XKR6: variants seen among roughly 807,000 people sequenced by gnomAD.
XKR6 encodes the protein XK-related protein 6.
In XKR6, 22 loss-of-function variants were observed where a neutral mutation model predicts 56.7. The ratio of observed to expected loss-of-function variants is 0.39; its 90% CI spans 0.28 to 0.55. XKR6 has a LOEUF of 0.55. Among genes scored for constraint, XKR6 ranks in the 20% least tolerant of loss-of-function variants. The pLI is 0.66. For synonymous variants in XKR6, 524 were observed against 387.8 expected, an observed-to-expected ratio of 1.35 and a Z score of -4.13; for missense variants, 852 against 889.0, an observed-to-expected ratio of 0.96 and a Z score of 0.53.
At chr8:10,947,774 G>C (rs1212549063) in intron 1 of XKR6, among the ~76,000 whole-genome samples, 3 of 152,314 alleles carry the variant, frequency 2.0e-5, no homozygotes, top group African/African-American at 7.2e-5. Context: ...ACCGCCAGGG[G>C]AACTGTGGAT....
intron 1 of XKR6, among the ~76,000 whole-genome samples, chr8:10,938,374 G>A (rs957905935): frequency 4.6e-5 from 7 of 152,290 alleles, no homozygotes; most frequent in South Asian, 2.1e-4. Context: ...CATCGCTCAC[G>A]CTGGGAGCTG....
At chr8:11,021,163 T>C (rs1227700768) in intron 1 of XKR6, among the ~76,000 whole-genome samples, 2 of 152,192 alleles carry the variant, frequency 1.3e-5, no homozygotes, top group Non-Finnish European at 1.5e-5. Context: ...TCTCAGAGTC[T>C]CAGACCAGAA....
At chr8:11,024,598 G>A (rs1186480513) in intron 1 of XKR6, among the ~76,000 whole-genome samples, 1 of 152,158 alleles carries the variant, frequency 6.6e-6, no homozygotes, top group African/African-American at 2.4e-5. Context: ...GACTTCATCT[G>A]TCCCATGCTG....
At chr8:11,157,157 C>G (rs1801560724) in intron 1 of XKR6, among the ~76,000 whole-genome samples, 1 of 152,158 alleles carries the variant, frequency 6.6e-6, no homozygotes. Flanking sequence ...AGCAAGCCTC[C>G]AAACTGTCAG....
intron 1 of XKR6, among the ~76,000 whole-genome samples, chr8:10,946,206 A>G (rs1563304175): frequency 6.6e-6 from 1 of 152,018 alleles, no homozygotes; most frequent in Non-Finnish European, 1.5e-5. Context: ...CAGGTTGCCC[A>G]TGGGGAATGG....
Position 10,897,836 on chromosome 8 carries a change from TTGG to T in XKR6, c.*113_*115del. 1 of 1,298,928 alleles carries T rather than the reference TTGG, an allele frequency of 7.7e-7. No homozygotes were observed. The highest frequency in any genetic ancestry group is 1.0e-6 in the Non-Finnish European group (1 of 971,142). 80.5% of individuals were successfully genotyped at this position (1,298,928 alleles called of 1,614,324 possible). A position where few individuals can be genotyped will look rare whatever the true frequency, so the allele number is the denominator to read the frequency against. ...TAGTGGTGGTGTTGGTGTGGCGGTGTTGGTGGTGGTGGCGGTGGTTCTGTGTAT... is the reference window on the plus strand; with the variant it reads ...TAGTGGTGGTGTTGGTGTGGCGGTGTTGGTGGTGGCGGTGGTTCTGTGTAT... On this transcript the variant is annotated 3_prime_UTR_variant, in exon 3 of 3. Coordinates refer to ENST00000416569, the MANE Select transcript of XKR6 (RefSeq NM_173683.4).
At chr8:11,061,643 C>G (rs1799837887) in intron 1 of XKR6, among the ~76,000 whole-genome samples, 1 of 152,150 alleles carries the variant, frequency 6.6e-6, no homozygotes, top group African/African-American at 2.4e-5. Context: ...GAAAGACCAC[C>G]CTGGCCTGGT....
intron 1 of XKR6, among the ~76,000 whole-genome samples, chr8:11,154,980 G>T (rs538798288): frequency 6.6e-6 from 1 of 152,284 alleles, no homozygotes; most frequent in African/African-American, 2.4e-5. Context: ...GACAAATCAA[G>T]AAATATAAAA....
In XKR6 at chr8:10,948,967, C is replaced by T. The variant is rs536551630; in HGVS notation, c.765-24137G>A. ...CGTCAATTCCCAGCCCTGCCCTGGGCGGTGCAGCCTCTCGGGAGGCTCCTC... is the reference window on the plus strand; with the variant it reads ...CGTCAATTCCCAGCCCTGCCCTGGGTGGTGCAGCCTCTCGGGAGGCTCCTC... On this transcript the variant is annotated intron_variant, in intron 1 of 2. Transcript: ENST00000416569. Among the ~76,000 whole-genome samples, 6 of 152,350 alleles carry T rather than the reference C, an allele frequency of 3.9e-5. No individual in the cohort carries two copies. The South Asian group carries it at 6.2e-4, about 16-fold the overall frequency.
rs866830426 is a variant in XKR6, at chr8:11,193,751, C to A, written c.764+6825G>T. Among the ~76,000 whole-genome samples the A allele has an allele frequency of 2.0e-3, 225 of 111,224 alleles. 3 individuals are homozygous for A. Among genetic ancestry groups the A allele is most frequent in the African/African-American group, 4.7e-3 (144 of 30,490 alleles). 73.0% of individuals were successfully genotyped at this position (111,224 alleles called of 152,430 possible). On this transcript the variant is annotated intron_variant, in intron 1 of 2. Transcript: ENST00000416569. ...TTTAAGGTTCTGACCCCCCCCCCCCCACAAAAGAAATTAACCTTGGTAAAC... is the reference window on the plus strand; with the variant it reads ...TTTAAGGTTCTGACCCCCCCCCCCCAACAAAAGAAATTAACCTTGGTAAAC...
At chr8:11,148,650 A>G (rs1443940606) in intron 1 of XKR6, among the ~76,000 whole-genome samples, 1 of 152,238 alleles carries the variant, frequency 6.6e-6, no homozygotes, top group Non-Finnish European at 1.5e-5. Context: ...TATACCTATC[A>G]TATGATCCAG....
chr8:11,025,394 C>A (rs1798837978), intron 1 of XKR6, among the ~76,000 whole-genome samples: 1 of 152,108 alleles, frequency 6.6e-6, no homozygotes, highest in East Asian at 1.9e-4. Flanking sequence ...GGAGTCTATT[C>A]AAAAAATACC....
chr8:11,173,132 G>A (rs879650752), intron 1 of XKR6, among the ~76,000 whole-genome samples: 9 of 150,526 alleles, frequency 6.0e-5, no homozygotes, highest in Admixed American at 4.0e-4. Context: ...TCAGGAGATC[G>A]AGACCATCCT....
intron 1 of XKR6, among the ~76,000 whole-genome samples, chr8:10,944,025 G>A (rs1801462469): frequency 6.6e-6 from 1 of 151,942 alleles, no homozygotes; most frequent in African/African-American, 2.4e-5. Flanking sequence ...CCTTACCCCC[G>A]ACCCTGCACC....
At chr8:11,131,386 A>G (rs1800095731) in intron 1 of XKR6, among the ~76,000 whole-genome samples, 1 of 152,184 alleles carries the variant, frequency 6.6e-6, no homozygotes, top group South Asian at 2.1e-4. Flanking sequence ...AAGAGTAATT[A>G]ACATAGAAGG....
intron 1 of XKR6, among the ~76,000 whole-genome samples, chr8:11,087,075 C>G (rs553504669): frequency 1.3e-5 from 2 of 152,318 alleles, no homozygotes; most frequent in East Asian, 3.9e-4. Flanking sequence ...ACTCTCTCCC[C>G]AGTCCTGCCC....
At chr8:11,185,010 G>A (rs1448501612) in intron 1 of XKR6, among the ~76,000 whole-genome samples, 1 of 152,192 alleles carries the variant, frequency 6.6e-6, no homozygotes, top group Non-Finnish European at 1.5e-5. Context: ...ACTGTCTGGT[G>A]GTTTTTCTCT....
intron 1 of XKR6, among the ~76,000 whole-genome samples, chr8:10,979,184 C>T (rs555239835): frequency 1.3e-5 from 2 of 152,120 alleles, no homozygotes; most frequent in South Asian, 2.1e-4. Flanking sequence ...CTACTCTGCC[C>T]CTCCCTGTTT....
intron 2 of XKR6, among the ~76,000 whole-genome samples, chr8:10,912,575 TGTGTGTGCATATATATATGTAG>T (rs1800427756): frequency 7.1e-6 from 1 of 140,158 alleles, no homozygotes; most frequent in African/African-American, 2.8e-5. Flanking sequence ...TATATATATG[TGTGTGTGCATATATATATGTAG>T]AGAGAGAGAA....
Sources: gnomAD v4.1 joint callset for allele counts (sites outside exome capture counted in the v4.1 genomes callset) on GRCh38, gnomAD v4.1.1 for gene constraint, MANE v1.5 for transcripts, NCBI Gene and HGNC (gene_info 2026-07-23, HGNC 2026-07-21) for gene names.